The following CHRM3 variants were observed in gnomAD, a reference collection of about 807,000 sequenced individuals.
CHRM3 encodes cholinergic receptor muscarinic 3.
In CHRM3, 11 loss-of-function variants were observed where a neutral mutation model predicts 41.8. The observed-to-expected ratio is 0.26, with a 90% CI of 0.17 to 0.44. The LOEUF (loss-of-function observed/expected upper bound fraction) is 0.44. CHRM3 is among the 20% of genes least tolerant of loss of function. CHRM3 has a pLI of 1.00. For missense variants in CHRM3, 571 were observed against 745.4 expected, an observed-to-expected ratio of 0.77 and a Z score of 2.72; for synonymous variants, 297 against 301.4, an observed-to-expected ratio of 0.99 and a Z score of 0.15.
In CHRM3 at chr1:239,908,750, A is replaced by G; in HGVS notation, c.1299A>G (p.Ser433=). The part of the protein sequence containing the change: ...SFSKLPIQLE[S]AVDTAKTSDV... The stretch of plus-strand genomic sequence containing the variant: ...CCAAGCTTCCCATCCAGCTAGAGTC[A>G]GCCGTGGACACAGCTAAGACTTCTG... The change falls in exon 7 of 7, where the codon TCA becomes TCG. Residue 433 remains serine (S), a synonymous_variant. Transcript: ENST00000676153. The surrounding 1 kb of genome is among the most constrained non-coding windows in gnomAD (Gnocchi z 7.2). 1 of 1,613,984 alleles carries G rather than the reference A, an allele frequency of 6.2e-7. No individual in the cohort carries two copies. The highest frequency in any genetic ancestry group is 2.2e-5 in the East Asian group (1 of 44,848).
intron 6 of CHRM3, among the ~76,000 whole-genome samples, chr1:239,836,798 A>G (rs1673358560): frequency 6.6e-6 from 1 of 152,140 alleles, no homozygotes; most frequent in Admixed American, 6.5e-5. Flanking sequence ...AACATGGTGA[A>G]ACCTTGTCTC....
At chr1:239,746,085 G>C (rs772379081) in intron 5 of CHRM3, among the ~76,000 whole-genome samples, 1 of 152,164 alleles carries the variant, frequency 6.6e-6, no homozygotes, top group Non-Finnish European at 1.5e-5. Context: ...AAATGCCCTT[G>C]AGTTTTCTAT....
At chr1:239,702,304 C>T (rs1302936489) in intron 5 of CHRM3, among the ~76,000 whole-genome samples, 1 of 152,110 alleles carries the variant, frequency 6.6e-6, no homozygotes, top group African/African-American at 2.4e-5. Context: ...GCCTACTTGC[C>T]CCCAAAACAT....
intron 1 of CHRM3, among the ~76,000 whole-genome samples, chr1:239,490,527 T>C (rs1667486467): frequency 6.6e-6 from 1 of 152,058 alleles, no homozygotes; most frequent in Non-Finnish European, 1.5e-5. Flanking sequence ...AGTAAATATC[T>C]CTTGAATTGA....
intron 3 of CHRM3, among the ~76,000 whole-genome samples, chr1:239,601,710 C>G (rs1405462643): frequency 1.3e-5 from 2 of 152,072 alleles, no homozygotes; most frequent in African/African-American, 4.8e-5. Context: ...AATAAGTGCT[C>G]AACAAACGGA....
At chr1:239,540,484 C>A (rs1231777629) in intron 2 of CHRM3, among the ~76,000 whole-genome samples, 1 of 152,130 alleles carries the variant, frequency 6.6e-6, no homozygotes, top group Non-Finnish European at 1.5e-5. Flanking sequence ...AATTTATTAT[C>A]TTGCACCAGA....
At chr1:239,469,799 C>T (rs1279761661) in intron 1 of CHRM3, among the ~76,000 whole-genome samples, 8 of 152,244 alleles carry the variant, frequency 5.3e-5, no homozygotes, top group South Asian at 2.1e-4. Flanking sequence ...TCAGGTGATT[C>T]GCCCGCCTTG....
intron 6 of CHRM3, among the ~76,000 whole-genome samples, chr1:239,879,344 C>A (rs1454649090): frequency 6.6e-6 from 1 of 152,162 alleles, no homozygotes; most frequent in Non-Finnish European, 1.5e-5. Flanking sequence ...GCTGGCCCAC[C>A]CTGCGAAGCA....
At chr1:239,640,034 G>C (rs530977677) in intron 4 of CHRM3, among the ~76,000 whole-genome samples, 2 of 152,144 alleles carry the variant, frequency 1.3e-5, no homozygotes, top group East Asian at 3.9e-4. Flanking sequence ...TGTGGTTTTT[G>C]TCTTTGGTTT....
rs574074938 is a variant in CHRM3, at chr1:239,391,040, C to A, written c.-521+3813C>A. On this transcript the variant is annotated intron_variant, in intron 1 of 6. Coordinates refer to ENST00000676153, the MANE Select transcript of CHRM3 (RefSeq NM_001375978.1). Reference sequence around the variant, plus strand: ...GTATTCCTAGCTACTAAGGAAGATGCAGTGGGAAGATAGCTTGAATGCAGA... The same window carrying A: ...GTATTCCTAGCTACTAAGGAAGATGAAGTGGGAAGATAGCTTGAATGCAGA... Among the ~76,000 whole-genome samples, 10 of 152,134 alleles carry A rather than the reference C, an allele frequency of 6.6e-5. No individual in the cohort carries two copies. The South Asian group carries it at 2.1e-3, about 32-fold the overall frequency.
chr1:239,387,672 G>A lies in CHRM3; in HGVS notation c.-521+445G>A, dbSNP rs1308745792. Among the ~76,000 whole-genome samples, 1 of 152,172 alleles carries A rather than the reference G, an allele frequency of 6.6e-6. No individual in the cohort carries two copies. Among genetic ancestry groups the A allele is most frequent in the East Asian group, 1.9e-4 (1 of 5,174 alleles). On this transcript the variant is annotated intron_variant, in intron 1 of 6. Transcript: ENST00000676153. The surrounding 1 kb of genome is among the most constrained non-coding windows in gnomAD (Gnocchi z 5.1). The stretch of plus-strand genomic sequence containing the variant: ...GGTGTGTTTGTGAGCGCACTCGTGT[G>A]TTGAGCGTTTGTCTCCCATCTCCCC...
At chr1:239,742,354 T>A (rs879637714) in intron 5 of CHRM3, among the ~76,000 whole-genome samples, 2 of 152,072 alleles carry the variant, frequency 1.3e-5, no homozygotes, top group Non-Finnish European at 2.9e-5. Context: ...TGGCCTGGAG[T>A]CACTCCTATG....
chr1:239,701,031 C>T (rs894421047), intron 5 of CHRM3, among the ~76,000 whole-genome samples: 2 of 152,204 alleles, frequency 1.3e-5, no homozygotes, highest in African/African-American at 4.8e-5. Flanking sequence ...CTTTTATCAG[C>T]TGTTTCTACC....
At chr1:239,678,603 T>A (rs1260719653) in intron 5 of CHRM3, among the ~76,000 whole-genome samples, 1 of 152,158 alleles carries the variant, frequency 6.6e-6, no homozygotes, top group Non-Finnish European at 1.5e-5. Context: ...AATCAAATGA[T>A]GAAATATGAC....
At chr1:239,905,259 C>T (rs2103034950) in intron 6 of CHRM3, among the ~76,000 whole-genome samples, 1 of 152,298 alleles carries the variant, frequency 6.6e-6, no homozygotes, top group Non-Finnish European at 1.5e-5. Flanking sequence ...GGAGAGGCAG[C>T]ACAGCCTCAC....
intron 1 of CHRM3, among the ~76,000 whole-genome samples, chr1:239,475,590 A>G (rs1558250760): frequency 6.6e-6 from 1 of 152,168 alleles, no homozygotes. Context: ...AGAAAAAGGC[A>G]TGAATTTAAA....
chr1:239,888,651 T>C (rs187292497), intron 6 of CHRM3, among the ~76,000 whole-genome samples: 2 of 151,476 alleles, frequency 1.3e-5, no homozygotes, highest in African/African-American at 4.8e-5. Flanking sequence ...GGTGGGATCA[T>C]GTAGCATTGC....
intron 1 of CHRM3, among the ~76,000 whole-genome samples, chr1:239,465,981 T>G (rs1035503383): frequency 6.6e-6 from 1 of 151,994 alleles, no homozygotes; most frequent in African/African-American, 2.4e-5. Flanking sequence ...GATGATCCAT[T>G]TCCTTTTATT....
chr1:239,536,719 T>C (rs1658237894), intron 2 of CHRM3, among the ~76,000 whole-genome samples: 1 of 152,204 alleles, frequency 6.6e-6, no homozygotes, highest in Admixed American at 6.5e-5. Context: ...TATGTTCTTT[T>C]GGCTGCCTGC....
Sources: allele counts gnomAD v4.1 joint callset (sites outside exome capture counted in the v4.1 genomes callset), GRCh38; gene constraint gnomAD v4.1.1; non-coding constraint Gnocchi (gnomAD v3.1); transcripts MANE v1.5; gene names NCBI Gene and HGNC (gene_info 2026-07-23, HGNC 2026-07-21).